Variants in GOLGA5 observed in about 807,000 individuals in gnomAD.
The protein encoded by GOLGA5 is golgin subfamily A member 5.
In GOLGA5, 50 loss-of-function variants were observed where a neutral mutation model predicts 93.5. That is an observed-to-expected ratio of 0.53 (90% CI 0.43 to 0.68). The LOEUF (loss-of-function observed/expected upper bound fraction) is 0.68. GOLGA5 is among the 30% of genes least tolerant of loss of function. GOLGA5 has a pLI of 0.00. For missense variants in GOLGA5, 760 were observed against 856.4 expected, an observed-to-expected ratio of 0.89 and a Z score of 1.40; for synonymous variants, 312 against 304.5, an observed-to-expected ratio of 1.02 and a Z score of -0.26.
At chr14:92,795,457 A>T (rs1884705245) in intron 1 of GOLGA5, among the ~76,000 whole-genome samples, 1 of 152,186 alleles carries the variant, frequency 6.6e-6, no homozygotes, top group Non-Finnish European at 1.5e-5. Flanking sequence ...TGAGTATCTG[A>T]GCTGCTGTCT....
chr14:92,802,322 T>C (rs1489074898), intron 2 of GOLGA5, among the ~76,000 whole-genome samples: 1 of 152,216 alleles, frequency 6.6e-6, no homozygotes, highest in African/African-American at 2.4e-5. Context: ...TTGTTATTGC[T>C]GGTGTATTTT....
At chr14:92,831,955 G>C (rs1885540086) in intron 9 of GOLGA5, among the ~76,000 whole-genome samples, 1 of 152,210 alleles carries the variant, frequency 6.6e-6, no homozygotes, top group Non-Finnish European at 1.5e-5. Flanking sequence ...CTGTAGCTAG[G>C]AAATGTCAGA....
rs71123380 is a variant in GOLGA5 at position 92,816,532 on chromosome 14, G to GCTTCGCTTCGCTTCGCTTCT, written c.1491+125_1491+126insGCTTCTCTTCGCTTCGCTTC. The GCTTCGCTTCGCTTCGCTTCT allele has an allele frequency of 8.0e-5, 53 of 659,042 alleles. No homozygotes were observed. In the African/African-American group the frequency reaches 2.0e-3, roughly 25 times the overall value. 40.8% of individuals were successfully genotyped at this position (659,042 alleles called of 1,614,324 possible). A position where few individuals can be genotyped will look rare whatever the true frequency, so the allele number is the denominator to read the frequency against. ...AGCGATAGGTTTCTCGCTTCTCTTC[G>GCTTCGCTTCGCTTCGCTTCT]CTTCGCTTCGCTTCTCTTCTCTTCC... is the stretch of plus-strand genomic sequence containing the variant. On this transcript the variant is annotated intron_variant, in intron 7 of 12. Coordinates refer to ENST00000163416, the MANE Select transcript of GOLGA5 (RefSeq NM_005113.4).
At position 92,816,412 on chromosome 14, in the gene GOLGA5, C is replaced by T. The variant is rs144281689; in HGVS notation, c.1482C>T (p.Ser494=). The T allele has an allele frequency of 5.1e-5, 83 of 1,613,288 alleles. 1 individual carries two copies. The highest frequency in any genetic ancestry group is 3.1e-4 in the African/African-American group (23 of 74,866). ...TGGGCCAGATACATCAGCTCAGATCCGAATTACAGGTAAGATTCATGGTGG... is the reference window on the plus strand; with the variant it reads ...TGGGCCAGATACATCAGCTCAGATCTGAATTACAGGTAAGATTCATGGTGG... The part of the protein sequence containing the change: ...KLMGQIHQLR[S]ELQDMEAQQV... The change falls in exon 7 of 13, where the codon TCC becomes TCT. Residue 494 remains serine, a synonymous_variant. Transcript: ENST00000163416.
chr14:92,824,686 T>G, intron 9 of GOLGA5, 42 bp downstream of exon 9: 1 of 995,026 alleles, frequency 1.0e-6, no homozygotes, highest in East Asian at 2.4e-5. Flanking sequence ...ATGCCACTGA[T>G]AAAGCTACAT....
At chr14:92,806,024 T>C (rs1884978643) in intron 2 of GOLGA5, among the ~76,000 whole-genome samples, 1 of 151,984 alleles carries the variant, frequency 6.6e-6, no homozygotes, top group Non-Finnish European at 1.5e-5. Flanking sequence ...TTATTACTCT[T>C]CTTGCCTTGA....
chr14:92,834,417 CATT>C (rs963294106), intron 10 of GOLGA5, among the ~76,000 whole-genome samples: 6 of 151,546 alleles, frequency 4.0e-5, no homozygotes, highest in African/African-American at 1.5e-4. Context: ...CATGTGTTCT[CATT>C]GTTCAATTCC....
At chr14:92,797,366 C>CTGCCACTA in intron 1 of GOLGA5, 42 bp from the exon 2 acceptor site, 1 of 1,153,302 alleles carries the variant, frequency 8.7e-7, no homozygotes, top group African/African-American at 1.5e-5. Context: ...TTATCATACT[C>CTGCCACTA]TGCCACTATG....
chr14:92,811,752 C>G lies in GOLGA5; in HGVS notation c.1318C>G (p.Gln440Glu). 1 of 1,599,330 alleles carries G rather than the reference C, an allele frequency of 6.3e-7. No individual in the cohort carries two copies. Among genetic ancestry groups the G allele is most frequent in the Non-Finnish European group, 8.6e-7 (1 of 1,166,734 alleles). ...DYKQKATRILQSKEKLINSLK... is the reference protein window; with the variant it reads ...DYKQKATRILESKEKLINSLK... ...CAAGCAAAAAGCTACTAGAATACTGCAAGTAAGCATGAAATGTACACTTTT... is the reference window on the plus strand; with the variant it reads ...CAAGCAAAAAGCTACTAGAATACTGGAAGTAAGCATGAAATGTACACTTTT... The change falls in exon 6 of 13, where the codon CAA becomes GAA. Residue 440 changes from glutamine (Q) to glutamate (E), a missense_variant and splice_region_variant. Transcript: ENST00000163416.
At position 92,806,605 on chromosome 14, in the gene GOLGA5, G is replaced by A. The variant is rs112577599; in HGVS notation, c.545-131G>A. 1.0e-3 allele frequency: 650 copies of A among 646,484 alleles called. 3 individuals carry two copies. The highest frequency in any genetic ancestry group is 6.6e-4 in the Non-Finnish European group (240 of 360,956). 40.0% of individuals were successfully genotyped at this position (646,484 alleles called of 1,614,324 possible). A position where few individuals can be genotyped will look rare whatever the true frequency, so the allele number is the denominator to read the frequency against. On this transcript the variant is annotated intron_variant, in intron 2 of 12. Coordinates refer to ENST00000163416, the MANE Select transcript of GOLGA5 (RefSeq NM_005113.4). ...TGGGATTACAGGCATGAGCCACCGC[G>A]CCTAGCTGAGAATTTACTTTTTATG...
Position 92,837,390 on chromosome 14 carries a change from C to T in GOLGA5, c.2056C>T (p.Arg686Cys). The change falls in exon 12 of 13, where the codon CGC becomes TGC. Residue 686 changes from arginine to cysteine, a missense_variant. Transcript: ENST00000163416. ...AASSIDQFSI[R>C]LGIFLRRYPI... Reference sequence around the variant, plus strand: ...CTCACACCTGTGTCTGCACAGTATTCGCCTGGGAATTTTTCTCCGAAGATA... The same window carrying T: ...CTCACACCTGTGTCTGCACAGTATTTGCCTGGGAATTTTTCTCCGAAGATA... The T allele has an allele frequency of 6.6e-7, 1 of 1,522,894 alleles. No individual in the cohort carries two copies. The highest frequency in any genetic ancestry group is 9.1e-7 in the Non-Finnish European group (1 of 1,097,556). 94.3% of individuals were successfully genotyped at this position (1,522,894 alleles called of 1,614,324 possible). A position where few individuals can be genotyped will look rare whatever the true frequency, so the allele number is the denominator to read the frequency against.
At chr14:92,838,856 T>C (rs1296530835) in intron 12 of GOLGA5, among the ~76,000 whole-genome samples, 1 of 152,102 alleles carries the variant, frequency 6.6e-6, no homozygotes, top group Non-Finnish European at 1.5e-5. Flanking sequence ...GTGAGGCACT[T>C]AGTGATGGAA....
chr14:92,819,966 C>G, intron 8 of GOLGA5, 130 bp downstream of exon 8: 1 of 799,242 alleles, frequency 1.3e-6, no homozygotes, highest in African/African-American at 1.7e-5. Flanking sequence ...TTCCTCCTGC[C>G]TTCCCATCTC....
intron 1 of GOLGA5, among the ~76,000 whole-genome samples, chr14:92,796,879 AGAGTGGCGT>A (rs1884741792): frequency 1.3e-5 from 1 of 78,010 alleles, no homozygotes; most frequent in Admixed American, 1.5e-4. Context: ...CTGAGGCAGG[AGAGTGGCGT>A]GAACCCGGGA....
intron 2 of GOLGA5, among the ~76,000 whole-genome samples, chr14:92,805,311 T>A (rs1237505812): frequency 1.3e-5 from 2 of 152,206 alleles, no homozygotes; most frequent in Non-Finnish European, 2.9e-5. Context: ...GTGAGATTCA[T>A]CCATGTTACT....
intron 7 of GOLGA5, among the ~76,000 whole-genome samples, chr14:92,819,409 G>T (rs1322219805): frequency 6.6e-6 from 1 of 150,896 alleles, no homozygotes; most frequent in Non-Finnish European, 1.5e-5. Context: ...TGGGAGGATT[G>T]TTTGAGGCCA....
chr14:92,810,440 G>GT, intron 5 of GOLGA5, 63 bp downstream of exon 5: 1 of 1,243,968 alleles, frequency 8.0e-7, no homozygotes. Flanking sequence ...ACTTTATGCT[G>GT]TTTCATAGCA....
intron 9 of GOLGA5, among the ~76,000 whole-genome samples, chr14:92,829,853 C>T (rs1256841318): frequency 1.3e-5 from 2 of 152,086 alleles, no homozygotes; most frequent in African/African-American, 2.4e-5. Flanking sequence ...AAGAACCCAT[C>T]GATGTGACAA....
Position 92,817,930 on chromosome 14 carries a change from A to G in GOLGA5, c.1491+1509A>G, listed in dbSNP as rs544787853. 9.9e-4 allele frequency among the ~76,000 whole-genome samples: 151 copies of G among 152,300 alleles called. 1 individual carries two copies. The Middle Eastern group carries it at 0.014, about 14-fold the overall frequency. ...AAGGATAATATATGAAGAGCCTAGC[A>G]TTGTTTCTGACATGTAATAGACCCT... On this transcript the variant is annotated intron_variant, in intron 7 of 12. Coordinates refer to ENST00000163416, the MANE Select transcript of GOLGA5 (RefSeq NM_005113.4).
Sources: allele counts gnomAD v4.1 joint callset (sites outside exome capture counted in the v4.1 genomes callset), GRCh38; gene constraint gnomAD v4.1.1; transcripts MANE v1.5; gene names NCBI Gene and HGNC (gene_info 2026-07-23, HGNC 2026-07-21).